TDO2: variants seen among roughly 807,000 people sequenced by gnomAD.
The protein encoded by TDO2 is tryptamin 2,3-dioxygenase.
A neutral mutation model predicts 61.2 loss-of-function variants in TDO2; 63 were observed. The observed-to-expected ratio is 1.03, with a 90% CI of 0.84 to 1.27. The LOEUF (loss-of-function observed/expected upper bound fraction) is 1.27. Ranked by LOEUF, TDO2 falls within the 50% of genes most tolerant of loss-of-function variation. TDO2 has a pLI of 0.00. For synonymous variants in TDO2, 183 were observed against 164.0 expected, an observed-to-expected ratio of 1.12 and a Z score of -0.89; for missense variants, 494 against 469.5, an observed-to-expected ratio of 1.05 and a Z score of -0.48.
rs1322474762 is a variant in TDO2, at chr4:155,910,026, G to T, written c.433G>T (p.Glu145Ter). 6.5e-7 allele frequency: 1 copy of T among 1,542,784 alleles called. No homozygotes were observed. Residue 145 changes from glutamate (E) to a stop codon, truncating the protein, a stop_gained and splice_region_variant, in exon 6 of 12, where the codon GAG becomes TAG. Transcript: ENST00000536354. LOFTEE classifies it high-confidence loss of function. ...MTALDFNDFREYLSPASGFQS... is the reference protein window; with the variant it reads ...MTALDFNDFR ...TCCTTCCACCATTTAATCTCAAAGA[G>T]AGTACTTATCTCCAGCATCAGGCTT...
intron 5 of TDO2, among the ~76,000 whole-genome samples, 173 bp downstream of exon 5, chr4:155,909,187 A>G (rs1742773681): frequency 6.6e-6 from 1 of 152,032 alleles, no homozygotes; most frequent in African/African-American, 2.4e-5. Context: ...TATTAAAAAT[A>G]TTTTATTATT....
At position 155,903,794 on chromosome 4, in the gene TDO2, G is replaced by T. The variant is rs773128093; in HGVS notation, c.35+1G>T. ...GCCCATTTTTAGGAAACAACTTTGG[G>T]TGAGTATTTACCTTTATTCTAAGTG... On this transcript the variant is annotated splice_donor_variant, in intron 1 of 11. Transcript: ENST00000536354. LOFTEE classifies it high-confidence loss of function. 4.9e-5 allele frequency: 79 copies of T among 1,614,030 alleles called. No individual in the cohort carries two copies. Among genetic ancestry groups the T allele is most frequent in the Non-Finnish European group, 6.1e-5 (72 of 1,180,032 alleles).
chr4:155,903,987 A>T, intron 1 of TDO2, 31 bp from the exon 2 acceptor site: 1 of 1,592,590 alleles, frequency 6.3e-7, no homozygotes, highest in Admixed American at 1.7e-5. Context: ...CTAAAGCACT[A>T]TTTTTCCCTC....
chr4:155,904,187 C>G (rs1742677809), intron 2 of TDO2, 64 bp downstream of exon 2: 1 of 1,187,772 alleles, frequency 8.4e-7, no homozygotes. Flanking sequence ...TGCCAAGTGA[C>G]TTTTTATGAT....
chr4:155,916,864 C>CT (rs975138945), intron 9 of TDO2, among the ~76,000 whole-genome samples: 3 of 152,056 alleles, frequency 2.0e-5, no homozygotes, highest in African/African-American at 7.2e-5. Flanking sequence ...AATCTTTTGA[C>CT]TTTTTTCCTA....
In TDO2 at chr4:155,908,888, T is replaced by G. The variant is rs1319538047; in HGVS notation, c.305T>G (p.Val102Gly). The change falls in exon 5 of 12, where the codon GTC becomes GGC. Residue 102 changes from valine (V) to glycine (G), a missense_variant and splice_region_variant. By Grantham distance (109) the Val-to-Gly change is moderately radical. Coordinates refer to ENST00000536354, the MANE Select transcript of TDO2 (RefSeq NM_005651.4). ...SVREIFQNGH[V>G]RDERNMLKVV... is the part of the protein sequence containing the mutation. ...AGTGTTTCATTTCTTAACCTTCAGG[T>G]CAGAGATGAAAGGAACATGCTTAAG... The G allele has an allele frequency of 1.2e-6, 2 of 1,609,808 alleles. No individual in the cohort carries two copies. The highest frequency in any genetic ancestry group is 1.7e-6 in the Non-Finnish European group (2 of 1,178,202).
At chr4:155,907,935 G>A (rs1159512645) in intron 4 of TDO2, 143 bp downstream of exon 4, 2 of 598,560 alleles carry the variant, frequency 3.3e-6, no homozygotes, top group Non-Finnish European at 5.8e-6. Flanking sequence ...GAATGAATGA[G>A]GAGTTCAGTC....
chr4:155,906,190 T>C (rs182919048), intron 3 of TDO2: 3 of 152,224 alleles, frequency 2.0e-5, no homozygotes, highest in East Asian at 1.9e-4. Context: ...CCTAGGAAGA[T>C]AAATAAGATA....
chr4:155,911,749 A>T (rs1742836694), intron 7 of TDO2, 145 bp downstream of exon 7: 1 of 525,866 alleles, frequency 1.9e-6, no homozygotes, highest in African/African-American at 2.0e-5. Flanking sequence ...ATGTGACATG[A>T]TTGATTTCAT....
chr4:155,907,629 T>C, intron 3 of TDO2, 93 bp from the exon 4 acceptor site: 1 of 785,168 alleles, frequency 1.3e-6, no homozygotes, highest in Non-Finnish European at 2.1e-6. Flanking sequence ...AACATTTTAA[T>C]TTCTCTTTCA....
At chr4:155,909,980 C>G (rs200298516) in intron 5 of TDO2, 45 bp from the exon 6 acceptor site, 11 of 971,860 alleles carry the variant, frequency 1.1e-5, no homozygotes, top group African/African-American at 1.9e-5. Flanking sequence ...CTCCTCTCCT[C>G]TCTTTCCCTT....
In TDO2 at chr4:155,910,084, A is replaced by T; in HGVS notation, c.491A>T (p.Lys164Met). The stretch of plus-strand genomic sequence containing the variant: ...TTGCAATTCCGACTATTAGAAAACA[A>T]GATAGGTGTTCTTCAGAACATGAGA... ...QSLQFRLLEN[K>M]IGVLQNMRVP... The change falls in exon 6 of 12, where the codon AAG becomes ATG. Residue 164 changes from lysine (K) to methionine (M), a missense_variant. Physicochemically the swap from Lys to Met is moderately conservative, Grantham distance 95. Transcript: ENST00000536354. The T allele has an allele frequency of 6.3e-7, 1 of 1,597,608 alleles. No individual in the cohort carries two copies. The highest frequency in any genetic ancestry group is 8.5e-7 in the Non-Finnish European group (1 of 1,174,948).
chr4:155,908,568 T>C (rs1742761404), intron 4 of TDO2, among the ~76,000 whole-genome samples: 1 of 152,374 alleles, frequency 6.6e-6, no homozygotes, highest in East Asian at 1.9e-4. Flanking sequence ...AGTTCCTGTG[T>C]TATCTTGACC....
intron 3 of TDO2, chr4:155,906,883 A>G (rs1202595295): frequency 6.6e-6 from 1 of 152,228 alleles, no homozygotes; most frequent in Non-Finnish European, 1.5e-5. Flanking sequence ...TTTTGCCCCA[A>G]TTGACACAGC....
intron 6 of TDO2, 151 bp from the exon 7 acceptor site, chr4:155,911,346 G>T (rs2110874205): frequency 2.5e-5 from 11 of 444,468 alleles, no homozygotes; most frequent in Admixed American, 4.1e-5. Flanking sequence ...TGAAGAAATT[G>T]AAGAGAAATA....
chr4:155,906,697 CA>C (rs1359259206), intron 3 of TDO2: 2 of 152,134 alleles, frequency 1.3e-5, no homozygotes, highest in African/African-American at 4.8e-5. Context: ...AAGGACAAAT[CA>C]ACGGGGAGAA....
chr4:155,908,777 C>A, intron 4 of TDO2, 110 bp from the exon 5 acceptor site: 5 of 1,392,614 alleles, frequency 3.6e-6, no homozygotes, highest in Non-Finnish European at 4.8e-6. Flanking sequence ...CAAAGTTTCC[C>A]TTTAAAACCA....
chr4:155,916,306 T>C lies in TDO2; in HGVS notation c.896+394T>C, dbSNP rs530883240. On this transcript the variant is annotated intron_variant, in intron 9 of 11. Coordinates refer to ENST00000536354, the MANE Select transcript of TDO2 (RefSeq NM_005651.4). ...CCTCAGCCTCCCGAGTAGCTGGGAC[T>C]ACAGGCGCCCACCACCACGCCAGGC... is the stretch of plus-strand genomic sequence containing the variant. Among the ~76,000 whole-genome samples the C allele has an allele frequency of 7.2e-3, 1,056 of 146,178 alleles. 43 individuals are homozygous for C. The highest frequency in any genetic ancestry group is 0.062 in the Admixed American group (888 of 14,344).
chr4:155,908,881 C>T lies in TDO2; in HGVS notation c.304-6C>T. On this transcript the variant is annotated splice_polypyrimidine_tract_variant and splice_region_variant and intron_variant, in intron 4 of 11. Coordinates refer to ENST00000536354, the MANE Select transcript of TDO2 (RefSeq NM_005651.4). ...CTAACTCAGTGTTTCATTTCTTAACCTTCAGGTCAGAGATGAAAGGAACAT... is the reference window on the plus strand; with the variant it reads ...CTAACTCAGTGTTTCATTTCTTAACTTTCAGGTCAGAGATGAAAGGAACAT... 1.2e-6 allele frequency: 2 copies of T among 1,607,444 alleles called. No individual in the cohort carries two copies. The highest frequency in any genetic ancestry group is 1.1e-5 in the South Asian group (1 of 89,832).
Sources: gnomAD v4.1 joint callset for allele counts (sites outside exome capture counted in the v4.1 genomes callset) on GRCh38, gnomAD v4.1.1 for gene constraint, MANE v1.5 for transcripts, NCBI Gene and HGNC (gene_info 2026-07-23, HGNC 2026-07-21) for gene names.